The following FBXL13 variants were observed in gnomAD, a reference collection of about 807,000 sequenced individuals.
FBXL13 encodes the protein F-box and leucine rich repeat protein 13, also known as F-box and leucine-rich repeat protein 13.
FBXL13 carries 67 observed loss-of-function variants against 83.6 expected under a neutral mutation model. That is an observed-to-expected ratio of 0.80 (90% confidence interval 0.66 to 0.98). The LOEUF (loss-of-function observed/expected upper bound fraction) is 0.98. Among genes scored for constraint, FBXL13 ranks in the 50% least tolerant of loss-of-function variants. The pLI is 0.00. For synonymous variants in FBXL13, 272 were observed against 299.5 expected, an observed-to-expected ratio of 0.91 and a Z score of 0.95; for missense variants, 822 against 866.5, an observed-to-expected ratio of 0.95 and a Z score of 0.64.
At chr7:102,814,564 C>T (rs1797736710) in intron 19 of FBXL13, 1 of 152,182 alleles carries the variant, frequency 6.6e-6, no homozygotes, top group Non-Finnish European at 1.5e-5. Flanking sequence ...AGGGAGGTAA[C>T]CAAAGCATTC....
At chr7:102,964,334 A>G (rs1825731877) in intron 7 of FBXL13, among the ~76,000 whole-genome samples, 1 of 151,476 alleles carries the variant, frequency 6.6e-6, no homozygotes. Flanking sequence ...ATAAATAGAT[A>G]GAGCTAAGGA....
chr7:103,030,620 C>G (rs1794409547), intron 2 of FBXL13, among the ~76,000 whole-genome samples: 1 of 152,032 alleles, frequency 6.6e-6, no homozygotes, highest in Admixed American at 6.6e-5. Flanking sequence ...AAATAAATAA[C>G]TACAGTAAAT....
At chr7:102,946,308 T>C (rs561151255) in intron 8 of FBXL13, among the ~76,000 whole-genome samples, 4 of 152,194 alleles carry the variant, frequency 2.6e-5, no homozygotes, top group Admixed American at 1.3e-4. Flanking sequence ...GGAATCAAGG[T>C]AGAGGGTTTA....
rs752169886 is a variant in FBXL13 at position 102,913,153 on chromosome 7, A to ACAAGTGC, written c.940_941insGCACTTG (p.Leu314CysfsTer47). 5.0e-6 allele frequency: 8 copies of ACAAGTGC among 1,614,036 alleles called. No homozygotes were observed. ...TCCATTCCCCAAGTTCAGGTACTGT[A>ACAAGTGC]AGCCTTTGTCTGTGAACCGTCTGCA... is the stretch of plus-strand genomic sequence containing the variant. On this transcript the variant is annotated frameshift_variant, in exon 11 of 20. Coordinates refer to ENST00000313221, the Ensembl canonical transcript of FBXL13. LOFTEE classifies it high-confidence loss of function.
At chr7:102,815,255 C>A (rs1797842356) in intron 19 of FBXL13, among the ~76,000 whole-genome samples, 1 of 152,132 alleles carries the variant, frequency 6.6e-6, no homozygotes. Flanking sequence ...GAATTAATTT[C>A]TTTCTATTAC....
chr7:102,967,857 T>C (rs991719776), intron 7 of FBXL13, among the ~76,000 whole-genome samples, 165 bp downstream of exon 8: 6 of 152,264 alleles, frequency 3.9e-5, no homozygotes, highest in African/African-American at 1.4e-4. Flanking sequence ...TTATCTTTTT[T>C]ATCTCTTCCC....
intron 17 of FBXL13, among the ~76,000 whole-genome samples, chr7:102,833,424 T>C (rs893941858): frequency 2.0e-5 from 3 of 151,040 alleles, no homozygotes; most frequent in African/African-American, 7.3e-5. Flanking sequence ...ACTATCTTTC[T>C]GAGCCTGTTT....
chr7:103,010,965 G>A (rs1563214938), intron 6 of FBXL13, among the ~76,000 whole-genome samples: 1 of 152,236 alleles, frequency 6.6e-6, no homozygotes, highest in Middle Eastern at 3.4e-3. Flanking sequence ...TTAGAATCAA[G>A]GCCAGTCGAC....
In FBXL13 at chr7:103,032,555, G is replaced by A. The variant is rs564976644; in HGVS notation, c.1-3137C>T. Among the ~76,000 whole-genome samples, 7 of 152,300 alleles carry A rather than the reference G, an allele frequency of 4.6e-5. No individual in the cohort carries two copies. The East Asian group carries it at 1.4e-3, about 29-fold the overall frequency. On this transcript the variant is annotated intron_variant, in intron 2 of 19. Coordinates refer to ENST00000313221, the Ensembl canonical transcript of FBXL13. ...TTGTTCAAACTAGAATCCAGACAAG[G>A]ACCATATATTTGCATTGCAAACTCA...
chr7:102,863,602 T>C (rs1246315148), intron 16 of FBXL13, among the ~76,000 whole-genome samples: 2 of 152,172 alleles, frequency 1.3e-5, no homozygotes, highest in Non-Finnish European at 2.9e-5. Context: ...TGATTCCAGA[T>C]ATCCTGAGGA....
chr7:102,981,130 G>T (rs2129483420), intron 6 of FBXL13, among the ~76,000 whole-genome samples: 1 of 152,160 alleles, frequency 6.6e-6, no homozygotes, highest in African/African-American at 2.4e-5. Context: ...GAAGACAGAG[G>T]AACTATTGTA....
At chr7:103,072,681 G>A (rs933360333) in intron 1 of FBXL13, among the ~76,000 whole-genome samples, 1 of 152,136 alleles carries the variant, frequency 6.6e-6, no homozygotes, top group Non-Finnish European at 1.5e-5. Context: ...AAATATAAAC[G>A]TTCCACTTTC....
chr7:103,052,300 G>A (rs1261488005), intron 2 of FBXL13, among the ~76,000 whole-genome samples: 1 of 152,042 alleles, frequency 6.6e-6, no homozygotes, highest in African/African-American at 2.4e-5. Context: ...TGTTGCCCAG[G>A]TTGGTTTCAA....
intron 16 of FBXL13, among the ~76,000 whole-genome samples, chr7:102,857,072 A>G (rs994658679): frequency 1.3e-5 from 2 of 151,752 alleles, no homozygotes; most frequent in African/African-American, 2.4e-5. Context: ...ATCTCCATAT[A>G]CAAAAGTAAA....
In FBXL13 at chr7:103,055,076, A is replaced by G. The variant is rs1317377702; in HGVS notation, c.-1+568T>C. 2 of 1,243,266 alleles carry G rather than the reference A, an allele frequency of 1.6e-6. No homozygotes were observed. Among genetic ancestry groups the G allele is most frequent in the African/African-American group, 3.1e-5 (2 of 64,766 alleles). 77.0% of individuals were successfully genotyped at this position (1,243,266 alleles called of 1,614,324 possible). On this transcript the variant is annotated intron_variant, in intron 2 of 19. Transcript: ENST00000313221. ...AATATATATTTGCGTATTCTTGATT[A>G]CTAATAATTACCAGCTGATCATCCA...
chr7:102,968,071 A>G (rs755549631), exon 7 of FBXL13: 1 of 1,613,996 alleles, frequency 6.2e-7, no homozygotes, highest in Non-Finnish European at 8.5e-7. Context: ...GGCATGATTA[A>G]CTTGACCACA....
At chr7:103,035,872 C>T (rs144645473) in intron 2 of FBXL13, among the ~76,000 whole-genome samples, 3,120 of 152,250 alleles carry the variant, frequency 0.02, 44 homozygotes, top group Non-Finnish European at 0.029. Flanking sequence ...CATGCCTTTA[C>T]TTCATTAATG....
chr7:102,926,323 T>C, exon 10 of FBXL13: 1 of 1,614,010 alleles, frequency 6.2e-7, no homozygotes, highest in Non-Finnish European at 8.5e-7. Context: ...TTAGACAGAT[T>C]GAGACACAGG....
chr7:102,913,192 A>C (rs1472929404), exon 11 of FBXL13: 1 of 1,614,172 alleles, frequency 6.2e-7, no homozygotes, highest in Admixed American at 1.7e-5. Flanking sequence ...AGCCAAACTA[A>C]GATTCTGTAA....
Sources: gnomAD v4.1 joint callset for allele counts (sites outside exome capture counted in the v4.1 genomes callset) on GRCh38, gnomAD v4.1.1 for gene constraint, MANE v1.5 for transcripts, NCBI Gene and HGNC (gene_info 2026-07-23, HGNC 2026-07-21) for gene names.